Variants in PPP1R13L observed in about 807,000 individuals in gnomAD.
PPP1R13L encodes the protein protein phosphatase 1 regulatory subunit 13 like, also known as relA-associated inhibitor.
PPP1R13L carries 50 observed loss-of-function variants against 80.9 expected under a neutral mutation model. That is an observed-to-expected ratio of 0.62 (90% confidence interval 0.49 to 0.78). PPP1R13L has a LOEUF of 0.78. Ranked by LOEUF, PPP1R13L falls within the 30% of genes least tolerant of loss-of-function variation. PPP1R13L has a pLI of 0.00. For synonymous variants in PPP1R13L, 602 were observed against 534.3 expected (o/e 1.13, Z -1.75); for missense variants, 1,200 against 1,205.9 (o/e 1.00, Z 0.07).
chr19:45,391,582 G>A (rs1022245630), intron 8 of PPP1R13L, among the ~76,000 whole-genome samples: 2 of 152,206 alleles, frequency 1.3e-5, no homozygotes, highest in African/African-American at 4.8e-5. Flanking sequence ...CCTGAAACAG[G>A]AAAGGGCACT....
At chr19:45,398,426 C>T in intron 1 of PPP1R13L, 87 bp from the exon 2 acceptor site, 1 of 1,285,110 alleles carries the variant, frequency 7.8e-7, no homozygotes, top group Non-Finnish European at 1.1e-6. Context: ...AGGAGCGGGA[C>T]AACGCCTCAA....
At chr19:45,402,423 C>A (rs1468711363) in intron 1 of PPP1R13L, among the ~76,000 whole-genome samples, 2 of 152,244 alleles carry the variant, frequency 1.3e-5, no homozygotes, top group African/African-American at 2.4e-5. Flanking sequence ...TACTGACATT[C>A]TCTGGCTCTC....
chr19:45,386,198 G>A lies in PPP1R13L; in HGVS notation c.1816-18C>T. The A allele has an allele frequency of 6.7e-7, 1 of 1,499,064 alleles. No homozygotes were observed. The highest frequency in any genetic ancestry group is 8.8e-7 in the Non-Finnish European group (1 of 1,137,524). The allele number at this position is 1,499,064 out of a possible 1,614,324, so 92.9% of individuals were successfully genotyped here. A position where few individuals can be genotyped will look rare whatever the true frequency, so the allele number is the denominator to read the frequency against. On this transcript the variant is annotated intron_variant, in intron 8 of 12. Transcript: ENST00000360957. ...CGCATCTCCTGGGGGACAGGGCGCA[G>A]AGGTCAGCGACTTGGAGGGATTGTT... is the stretch of plus-strand genomic sequence containing the variant.
intron 8 of PPP1R13L, among the ~76,000 whole-genome samples, chr19:45,390,778 G>C (rs183208443): frequency 1.8e-4 from 28 of 152,172 alleles, no homozygotes; most frequent in African/African-American, 6.7e-4. Context: ...TAGACAGGGG[G>C]TTTCACCATG....
chr19:45,391,938 G>A lies in PPP1R13L; in HGVS notation c.1757C>T (p.Ala586Val). 1.3e-6 allele frequency: 2 copies of A among 1,504,782 alleles called. No homozygotes were observed. The highest frequency in any genetic ancestry group is 1.8e-6 in the Non-Finnish European group (2 of 1,129,318). 93.2% of individuals were successfully genotyped at this position (1,504,782 alleles called of 1,614,324 possible). The change falls in exon 8 of 13, where the codon GCT (alanine) becomes GTT (valine). Residue 586 changes from alanine (A) to valine (V), a missense_variant. Physicochemically the swap from Ala to Val is moderately conservative, Grantham distance 64. Transcript: ENST00000360957. ...GGACGGGGCCGGGGGTGGAATGGGA[G>A]CTGGTGGGGCAGGAGCAGGGGGCCC... ...RAGPPAPAPP[A>V]PIPPPAPSQS...
intron 11 of PPP1R13L, among the ~76,000 whole-genome samples, chr19:45,383,127 T>C (rs1367106778): frequency 6.7e-6 from 1 of 150,304 alleles, no homozygotes; most frequent in Non-Finnish European, 1.5e-5. Flanking sequence ...CCCGAGTAGC[T>C]GGGACTACAG....
In PPP1R13L at chr19:45,396,623, C is replaced by G. The variant is rs1040781902; in HGVS notation, c.634G>C (p.Asp212His). The G allele has an allele frequency of 2.0e-6, 3 of 1,486,868 alleles. No individual in the cohort carries two copies. Among genetic ancestry groups the G allele is most frequent in the Non-Finnish European group, 2.7e-6 (3 of 1,128,162 alleles). 92.1% of individuals were successfully genotyped at this position (1,486,868 alleles called of 1,614,324 possible). A position where few individuals can be genotyped will look rare whatever the true frequency, so the allele number is the denominator to read the frequency against. ...CTCCCGAAGGCGGACGCTGGCGCGTCGTAGGCTGTGGCAGGGGGGCGCGGT... is the reference window on the plus strand; with the variant it reads ...CTCCCGAAGGCGGACGCTGGCGCGTGGTAGGCTGTGGCAGGGGGGCGCGGT... ...PSPRPPATAY[D>H]APASAFGSSL... Residue 212 changes from aspartate (D) to histidine (H), a missense_variant, in exon 4 of 13, where the codon GAC becomes CAC. Physicochemically the swap from Asp to His is moderately conservative, Grantham distance 81. Transcript: ENST00000360957. The surrounding 1 kb of genome is among the most constrained non-coding windows in gnomAD (Gnocchi z 5.3).
chr19:45,382,156 G>T (rs538488419), intron 12 of PPP1R13L, among the ~76,000 whole-genome samples: 143 of 151,272 alleles, frequency 9.5e-4, no homozygotes, highest in East Asian at 2.5e-3. Flanking sequence ...GAGCCCGGGT[G>T]GGGGGGGCCC....
chr19:45,395,619 T>A lies in PPP1R13L; in HGVS notation c.1171A>T (p.Met391Leu). Residue 391 changes from methionine (M) to leucine (L), a missense_variant, in exon 7 of 13, where the codon ATG becomes TTG. Transcript: ENST00000360957. Reference sequence around the variant, plus strand: ...GTGAAGAGGGGGGACCCAGGGAGCATGGCGCGGCTGGCCCCGTGCTCCCAG... The same window carrying A: ...GTGAAGAGGGGGGACCCAGGGAGCAAGGCGCGGCTGGCCCCGTGCTCCCAG... The part of the protein sequence containing the change: ...AFWEHGASRA[M>L]LPGSPLFTRA... 1 of 1,430,508 alleles carries A rather than the reference T, an allele frequency of 7.0e-7. No individual in the cohort carries two copies. The highest frequency in any genetic ancestry group is 9.2e-7 in the Non-Finnish European group (1 of 1,091,716). 88.6% of individuals were successfully genotyped at this position (1,430,508 alleles called of 1,614,324 possible). A position where few individuals can be genotyped will look rare whatever the true frequency, so the allele number is the denominator to read the frequency against.
rs201531263 is a variant in PPP1R13L at position 45,401,805 on chromosome 19, AT to A, written c.-22+3193del. Among the ~76,000 whole-genome samples the A allele has an allele frequency of 2.7e-5, 4 of 150,544 alleles. No individual in the cohort carries two copies. The Admixed American group carries it at 2.7e-4, about 10-fold the overall frequency. The stretch of plus-strand genomic sequence containing the variant: ...ATGAGTAAGAAGTCAGACTTCAAAA[AT>A]TCAAATCTGAGGGCCGGGCATGGTA... On this transcript the variant is annotated intron_variant, in intron 1 of 12. Coordinates refer to ENST00000360957, the MANE Select transcript of PPP1R13L (RefSeq NM_006663.4).
chr19:45,385,192 G>A (rs2123353170), intron 11 of PPP1R13L, among the ~76,000 whole-genome samples: 1 of 152,328 alleles, frequency 6.6e-6, no homozygotes, highest in East Asian at 1.9e-4. Context: ...TGCCAGTGGT[G>A]TGGCAATGCC....
chr19:45,396,560 G>A lies in PPP1R13L; in HGVS notation c.697C>T (p.Pro233Ser), dbSNP rs2123385820. The change falls in exon 4 of 13, where the codon CCT (proline) becomes TCT (serine). Residue 233 changes from proline (P) to serine (S), a missense_variant. Physicochemically the swap from Pro to Ser is moderately conservative, Grantham distance 74 (BLOSUM62 -1). This residue lies in a region of PPP1R13L where 764 missense variants were observed against 714.5 expected (regional missense o/e 1.07). Transcript: ENST00000360957. The surrounding 1 kb of genome is among the most constrained non-coding windows in gnomAD (Gnocchi z 5.3). ...CTGGGTTCACCTTGCGCGCGCAGAG[G>A]CGGGGCGAATGCGCTGCCGCCGGAG... ...LGSGGSAFAPPLRAQDDLTLR... is the reference protein window; with the variant it reads ...LGSGGSAFAPSLRAQDDLTLR... The A allele has an allele frequency of 6.5e-7, 1 of 1,529,038 alleles. No homozygotes were observed. The highest frequency in any genetic ancestry group is 8.7e-7 in the Non-Finnish European group (1 of 1,145,288). The allele number at this position is 1,529,038 out of a possible 1,614,324, so 94.7% of individuals were successfully genotyped here. A position where few individuals can be genotyped will look rare whatever the true frequency, so the allele number is the denominator to read the frequency against.
rs370819339 is a variant in PPP1R13L at position 45,391,857 on chromosome 19, C to T, written c.1815+23G>A. Reference sequence around the variant, plus strand: ...CTGGATTCATGTAGCAAACATACCCCGGTTTCCTCCTGTATTACTTACCAT... The same window carrying T: ...CTGGATTCATGTAGCAAACATACCCTGGTTTCCTCCTGTATTACTTACCAT... On this transcript the variant is annotated intron_variant, in intron 8 of 12. Coordinates refer to ENST00000360957, the MANE Select transcript of PPP1R13L (RefSeq NM_006663.4). 8.1e-5 allele frequency: 117 copies of T among 1,437,046 alleles called. No individual in the cohort carries two copies. The African/African-American group carries it at 1.2e-3, about 15-fold the overall frequency. 89.0% of individuals were successfully genotyped at this position (1,437,046 alleles called of 1,614,324 possible).
At chr19:45,401,216 G>A (rs1350709081) in intron 1 of PPP1R13L, among the ~76,000 whole-genome samples, 2 of 151,746 alleles carry the variant, frequency 1.3e-5, no homozygotes, top group Non-Finnish European at 2.9e-5. Context: ...TTAGCTGGGC[G>A]TGGTGGCGGG....
chr19:45,396,662 CG>C lies in PPP1R13L; in HGVS notation c.594del (p.Glu199SerfsTer25). On this transcript the variant is annotated frameshift_variant, in exon 4 of 13. Transcript: ENST00000360957. LOFTEE classifies it high-confidence loss of function. This position sits in a 1 kb window ranked among gnomAD's most constrained non-coding sequence, Gnocchi z 5.3. ...GGGGGGCGCGGTGACGGCCCACGCT[CG>C]GGGAAGAAGGCCTGGGGCCCCTCCG... ...PLAEGPQAFF[P>X]ERGPSPRPPA... 2 of 1,459,934 alleles carry C rather than the reference CG, an allele frequency of 1.4e-6. No individual in the cohort carries two copies. The highest frequency in any genetic ancestry group is 1.8e-6 in the Non-Finnish European group (2 of 1,116,910). The allele number at this position is 1,459,934 out of a possible 1,614,324, so 90.4% of individuals were successfully genotyped here.
Position 45,385,895 on chromosome 19 carries a change from G to A in PPP1R13L, c.2010C>T (p.Gly670=). 1 of 1,611,158 alleles carries A rather than the reference G, an allele frequency of 6.2e-7. No homozygotes were observed. The highest frequency in any genetic ancestry group is 8.5e-7 in the Non-Finnish European group (1 of 1,178,780). ...GGAAATCCACGATAGAGTAGTTGGC[G>A]CCGCAGATGGCGTTGTGCAAGGCAG... ...GITALHNAIC[G]ANYSIVDFLI... Residue 670 remains glycine, a synonymous_variant, in exon 10 of 13, where the codon GGC becomes GGT. Transcript: ENST00000360957.
intron 1 of PPP1R13L, among the ~76,000 whole-genome samples, chr19:45,399,237 C>T (rs1973179828): frequency 1.3e-5 from 2 of 151,154 alleles, no homozygotes; most frequent in East Asian, 4.0e-4. Flanking sequence ...GCCACCGCGC[C>T]CGGCCTTGTT....
intron 1 of PPP1R13L, among the ~76,000 whole-genome samples, chr19:45,398,901 T>C (rs1973171846): frequency 6.6e-6 from 1 of 152,096 alleles, no homozygotes; most frequent in African/African-American, 2.4e-5. Flanking sequence ...TAACTATGAA[T>C]TACTGAATGT....
At chr19:45,390,496 G>T (rs1972950176) in intron 8 of PPP1R13L, among the ~76,000 whole-genome samples, 1 of 152,086 alleles carries the variant, frequency 6.6e-6, no homozygotes, top group African/African-American at 2.4e-5. Context: ...GTTTTGTTCT[G>T]TTAGCTGATG....
Sources: gnomAD v4.1 joint callset for allele counts (sites outside exome capture counted in the v4.1 genomes callset) on GRCh38, gnomAD v4.1.1 for gene constraint, gnomAD v4.1.1 regional missense constraint, Gnocchi (gnomAD v3.1) non-coding constraint, MANE v1.5 for transcripts, NCBI Gene and HGNC (gene_info 2026-07-23, HGNC 2026-07-21) for gene names.